ABCA5: variants seen among roughly 807,000 people sequenced by gnomAD.
ABCA5 encodes cholesterol transporter ABCA5.
Under a neutral mutation model 206.0 loss-of-function variants are expected in ABCA5, and 163 were observed. That is an observed-to-expected ratio of 0.79 (90% CI 0.70 to 0.90). The LOEUF is 0.90. Ranked by LOEUF, ABCA5 falls within the 40% of genes least tolerant of loss-of-function variation. The probability of loss-of-function intolerance (pLI) is 0.00; values close to 1 mark genes in which losing one functional copy is unlikely to be tolerated. For synonymous variants in ABCA5, 609 were observed against 613.8 expected, an observed-to-expected ratio of 0.99 and a Z score of 0.11; for missense variants, 1,859 against 1,912.9, an observed-to-expected ratio of 0.97 and a Z score of 0.53.
At chr17:69,289,032 C>A in intron 14 of ABCA5, 145 bp downstream of exon 14, 1 of 816,388 alleles carries the variant, frequency 1.2e-6, no homozygotes. Context: ...CTTTTAAAAT[C>A]TCATTACTAT....
chr17:69,254,821 C>T (rs915034517), intron 31 of ABCA5, among the ~76,000 whole-genome samples: 1 of 152,014 alleles, frequency 6.6e-6, no homozygotes, highest in African/African-American at 2.4e-5. Flanking sequence ...ACTGCACCCG[C>T]CCAGATGTTT....
chr17:69,280,362 A>G (rs1429325992), intron 18 of ABCA5, among the ~76,000 whole-genome samples: 1 of 152,132 alleles, frequency 6.6e-6, no homozygotes, highest in East Asian at 1.9e-4. Context: ...TAGAATGGCA[A>G]TCATTAAAAA....
chr17:69,291,379 T>C (rs546571151), intron 11 of ABCA5, 53 bp from the exon 12 acceptor site: 2 of 1,101,102 alleles, frequency 1.8e-6, no homozygotes, highest in African/African-American at 1.6e-5. Flanking sequence ...TGTTCAGCTA[T>C]GCATGATAAT....
At chr17:69,283,692 T>TG (rs2075420534) in intron 18 of ABCA5, among the ~76,000 whole-genome samples, 1 of 152,146 alleles carries the variant, frequency 6.6e-6, no homozygotes. Flanking sequence ...TTCACCTACT[T>TG]GATTTTTCTC....
At position 69,306,022 on chromosome 17, in the gene ABCA5, T is replaced by TATA. The variant is rs369555370; in HGVS notation, c.788+700_788+702dup. 7.5e-3 allele frequency among the ~76,000 whole-genome samples: 1,136 copies of TATA among 152,328 alleles called. 19 individuals carry two copies. The highest frequency in any genetic ancestry group is 0.026 in the African/African-American group (1,064 of 41,580). On this transcript the variant is annotated intron_variant, in intron 6 of 38. Transcript: ENST00000392676. ...TGGAATAAAATTTTGTAAAACAGAC[T>TATA]ATAACAGCTCACATGCACAGTATTA...
intron 8 of ABCA5, 91 bp downstream of exon 8, chr17:69,302,627 G>T: frequency 1.2e-6 from 1 of 868,744 alleles, no homozygotes; most frequent in Non-Finnish European, 1.6e-6. Context: ...AATTTTTTTG[G>T]TAAATCAAAG....
At chr17:69,248,487 T>C in intron 37 of ABCA5, 170 bp from the exon 38 acceptor site, 1 of 503,650 alleles carries the variant, frequency 2.0e-6, no homozygotes, top group South Asian at 2.6e-5. Context: ...TCCCCACACC[T>C]ATAATTCCTC....
At chr17:69,267,353 AAC>A (rs1432867400) in intron 23 of ABCA5, among the ~76,000 whole-genome samples, 1 of 152,202 alleles carries the variant, frequency 6.6e-6, no homozygotes, top group Non-Finnish European at 1.5e-5. Flanking sequence ...GGCTTTGAAC[AAC>A]CAAAGACTGT....
chr17:69,257,149 G>A (rs1018017301), intron 28 of ABCA5, among the ~76,000 whole-genome samples: 1 of 152,138 alleles, frequency 6.6e-6, no homozygotes, highest in African/African-American at 2.4e-5. Flanking sequence ...CAGATCACTT[G>A]AGGTCAGCAG....
At chr17:69,323,727 GTATC>G (rs2075881009) in intron 1 of ABCA5, among the ~76,000 whole-genome samples, 1 of 152,078 alleles carries the variant, frequency 6.6e-6, no homozygotes, top group African/African-American at 2.4e-5. Flanking sequence ...ATTAAACCCA[GTATC>G]ATCTTACCAC....
chr17:69,277,877 T>C (rs373248877), intron 18 of ABCA5, 35 bp from the exon 19 acceptor site: 111 of 1,428,094 alleles, frequency 7.8e-5, no homozygotes, highest in Non-Finnish European at 1.0e-4. Context: ...TTTCAGTATG[T>C]TCATTAAAAA....
At chr17:69,296,907 G>A (rs1317925599) in intron 10 of ABCA5, among the ~76,000 whole-genome samples, 1 of 152,200 alleles carries the variant, frequency 6.6e-6, no homozygotes, top group East Asian at 1.9e-4. Flanking sequence ...GGAGGTTACA[G>A]TGAGCCGAGA....
At chr17:69,248,218 C>T (rs2074973341) in intron 38 of ABCA5, 44 bp downstream of exon 38, 3 of 1,186,154 alleles carry the variant, frequency 2.5e-6, no homozygotes, top group Admixed American at 2.2e-5. Context: ...ATATCAGATA[C>T]TTTCTTCTAT....
At chr17:69,251,584 T>G (rs1303242244) in intron 35 of ABCA5, 163 bp downstream of exon 35, 3 of 909,170 alleles carry the variant, frequency 3.3e-6, no homozygotes, top group Non-Finnish European at 4.6e-6. Flanking sequence ...GCCATATTTT[T>G]AAAAAACTCA....
In ABCA5 at chr17:69,247,650, T is replaced by C. The variant is rs2074966230; in HGVS notation, c.4822-6A>G. On this transcript the variant is annotated splice_region_variant and splice_polypyrimidine_tract_variant and intron_variant, in intron 38 of 38. Coordinates refer to ENST00000392676, the MANE Select transcript of ABCA5 (RefSeq NM_172232.4). ...TTAGTGAGTTCTACAAAAACCTAGG[T>C]GAAAAGAAATAAATGAATACAGTAT... 1.3e-6 allele frequency: 2 copies of C among 1,552,640 alleles called. No individual in the cohort carries two copies. The highest frequency in any genetic ancestry group is 3.6e-5 in the Admixed American group (2 of 55,776).
chr17:69,284,068 C>A lies in ABCA5; in HGVS notation c.2277G>T (p.Leu759Phe), dbSNP rs1388762530. The part of the protein sequence containing the change: ...PFKDMDKFSG[L>F]FSALDSHSNL... ...TTGAATGACTGTCTAGGGCAGAAAACAAACCTAAAAGAAAAAAATGAAAGA... is the reference window on the plus strand; with the variant it reads ...TTGAATGACTGTCTAGGGCAGAAAAAAAACCTAAAAGAAAAAAATGAAAGA... Residue 759 changes from leucine (L) to phenylalanine (F), a missense_variant, in exon 18 of 39, where the codon TTG (leucine) becomes TTT (phenylalanine). Coordinates refer to ENST00000392676, the MANE Select transcript of ABCA5 (RefSeq NM_172232.4). The A allele has an allele frequency of 6.4e-7, 1 of 1,559,046 alleles. No homozygotes were observed.
rs1324152643 is a variant in ABCA5, at chr17:69,313,297, C to T, written c.103-1G>A. 3.8e-6 allele frequency: 5 copies of T among 1,318,006 alleles called. No homozygotes were observed. The highest frequency in any genetic ancestry group is 2.5e-5 in the East Asian group (1 of 40,092). The allele number at this position is 1,318,006 out of a possible 1,614,324, so 81.6% of individuals were successfully genotyped here. On this transcript the variant is annotated splice_acceptor_variant, in intron 2 of 38. Transcript: ENST00000392676. LOFTEE classifies it high-confidence loss of function. ...AAAAAAATAGTGGAAAAAGAATTTC[C>T]TACAATAAAAGAAACAAAGTAATTA...
At chr17:69,297,536 AAAGT>A (rs1168210073) in intron 9 of ABCA5, among the ~76,000 whole-genome samples, 177 bp from the exon 10 acceptor site, 9 of 152,216 alleles carry the variant, frequency 5.9e-5, no homozygotes, top group African/African-American at 2.2e-4. Context: ...TTGTCATTGA[AAAGT>A]AATAAGTAAA....
chr17:69,260,901 A>G (rs1024830547), intron 26 of ABCA5, among the ~76,000 whole-genome samples: 2 of 151,974 alleles, frequency 1.3e-5, no homozygotes, highest in Non-Finnish European at 2.9e-5. Context: ...TATATACATC[A>G]TTTTGAGCAT....
Sources: gnomAD v4.1 joint callset for allele counts (sites outside exome capture counted in the v4.1 genomes callset) on GRCh38, gnomAD v4.1.1 for gene constraint, MANE v1.5 for transcripts, NCBI Gene and HGNC (gene_info 2026-07-23, HGNC 2026-07-21) for gene names.